The following EEA1 variants were observed in gnomAD, a reference collection of about 807,000 sequenced individuals.
The protein encoded by EEA1 is early endosome antigen 1, 162kD.
Under a neutral mutation model 209.2 loss-of-function variants are expected in EEA1, and 111 were observed. The observed-to-expected ratio is 0.53, with a 90% CI of 0.45 to 0.62. The LOEUF (loss-of-function observed/expected upper bound fraction) is 0.62. EEA1 is among the 20% of genes least tolerant of loss of function. EEA1 has a pLI of 0.00. For synonymous variants in EEA1, 536 were observed against 540.6 expected, an observed-to-expected ratio of 0.99 and a Z score of 0.12; for missense variants, 1,343 against 1,530.8, an observed-to-expected ratio of 0.88 and a Z score of 2.05.
intron 1 of EEA1, among the ~76,000 whole-genome samples, chr12:92,925,592 T>C (rs1488578208): frequency 2.0e-5 from 3 of 152,222 alleles, no homozygotes; most frequent in Admixed American, 6.5e-5. Context: ...TTGATTAAAT[T>C]TCTAACCATC....
At chr12:92,897,634 G>A (rs1005595735) in intron 1 of EEA1, among the ~76,000 whole-genome samples, 1 of 151,992 alleles carries the variant, frequency 6.6e-6, no homozygotes, top group African/African-American at 2.4e-5. Flanking sequence ...TTTGCTGGGC[G>A]TTTTGTCCAA....
intron 1 of EEA1, among the ~76,000 whole-genome samples, chr12:92,911,149 G>A (rs1216331423): frequency 6.6e-6 from 1 of 151,438 alleles, no homozygotes. Flanking sequence ...ACCCAAATGA[G>A]CTAAAAACTT....
chr12:92,802,756 T>G (rs1874989880), intron 18 of EEA1, 22 bp from the exon 19 acceptor site: 1 of 1,480,160 alleles, frequency 6.8e-7, no homozygotes, highest in Non-Finnish European at 9.0e-7. Context: ...AAAAACAATC[T>G]TTTTAAATAA....
At chr12:92,902,905 T>A (rs1417564986) in intron 1 of EEA1, among the ~76,000 whole-genome samples, 3 of 151,846 alleles carry the variant, frequency 2.0e-5, no homozygotes, top group African/African-American at 7.3e-5. Context: ...AAGAAACTGT[T>A]AACTAAACTA....
intron 6 of EEA1, 30 bp downstream of exon 6, chr12:92,853,885 T>C: frequency 6.3e-7 from 1 of 1,583,402 alleles, no homozygotes; most frequent in South Asian, 1.2e-5. Flanking sequence ...AAAAGAAAAC[T>C]GACAAAATAT....
At position 92,776,926 on chromosome 12, in the gene EEA1, G is replaced by A. The variant is rs1873680710; in HGVS notation, c.4031C>T (p.Ala1344Val). ...NQSLQIKHTQ[A>V]LNRKWAEDNE... ...GTCTTCGGCCCACTTTCTATTCAAC[G>A]CTTGTGTATGTTTGATCTGTTTTTT... Residue 1344 changes from alanine (A) to valine (V), a missense_variant, in exon 28 of 29, where the codon GCG becomes GTG. This residue lies in a region of EEA1 where 1,307 missense variants were observed against 1,465.5 expected (regional missense o/e 0.89). Coordinates refer to ENST00000322349, the MANE Select transcript of EEA1 (RefSeq NM_003566.4). 2.5e-6 allele frequency: 4 copies of A among 1,611,266 alleles called. No homozygotes were observed. The highest frequency in any genetic ancestry group is 2.7e-5 in the African/African-American group (2 of 74,752).
chr12:92,845,508 T>C (rs1037953094), intron 9 of EEA1, among the ~76,000 whole-genome samples: 1 of 152,138 alleles, frequency 6.6e-6, no homozygotes. Context: ...AGGCCAAGAT[T>C]GTATGTGCCT....
At chr12:92,892,786 C>T (rs1879705213) in intron 1 of EEA1, among the ~76,000 whole-genome samples, 3 of 152,072 alleles carry the variant, frequency 2.0e-5, no homozygotes, top group Admixed American at 1.3e-4. Context: ...CCACCATGTG[C>T]AGCTAAATTT....
rs1354424430 is a variant in EEA1, at chr12:92,813,020, T to A, written c.2003A>T (p.His668Leu). The change falls in exon 16 of 29, where the codon CAT (histidine) becomes CTT (leucine). Residue 668 changes from histidine to leucine, a missense_variant. This residue lies in a region of EEA1 where 1,307 missense variants were observed against 1,465.5 expected (regional missense o/e 0.89). Transcript: ENST00000322349. ...TAATGCATTTTGAGCTGTGTCCAAA[T>A]GATTCTGAAGATCAGCTCTTTGAGC... ...KTAQRADLQN[H>L]LDTAQNALQD... The A allele has an allele frequency of 1.4e-5, 23 of 1,600,988 alleles. No homozygotes were observed. The highest frequency in any genetic ancestry group is 1.9e-5 in the Non-Finnish European group (22 of 1,170,954).
chr12:92,890,163 A>AT (rs925811654), intron 2 of EEA1, among the ~76,000 whole-genome samples: 3 of 152,118 alleles, frequency 2.0e-5, no homozygotes, highest in African/African-American at 4.8e-5. Context: ...TTCATTTTTG[A>AT]TTTTTTGGTG....
At chr12:92,839,237 T>A (rs549261679) in intron 10 of EEA1, among the ~76,000 whole-genome samples, 1 of 152,316 alleles carries the variant, frequency 6.6e-6, no homozygotes, top group East Asian at 1.9e-4. Flanking sequence ...TCCACATGAC[T>A]AATGCATGAT....
chr12:92,804,632 T>A (rs1016929075), intron 18 of EEA1, among the ~76,000 whole-genome samples: 7 of 151,488 alleles, frequency 4.6e-5, no homozygotes, highest in Admixed American at 4.6e-4. Flanking sequence ...CCTCAATATT[T>A]GGAAAGTAAA....
intron 12 of EEA1, among the ~76,000 whole-genome samples, chr12:92,826,836 G>C (rs1876332232): frequency 1.3e-5 from 2 of 151,952 alleles, no homozygotes; most frequent in Non-Finnish European, 2.9e-5. Flanking sequence ...TCTCCAGGCT[G>C]GCATTTAGTT....
chr12:92,923,085 C>G (rs896450838), intron 1 of EEA1, among the ~76,000 whole-genome samples: 1 of 152,122 alleles, frequency 6.6e-6, no homozygotes, highest in Non-Finnish European at 1.5e-5. Flanking sequence ...CGGTGGCTCA[C>G]GCCTGTAATC....
At chr12:92,781,815 C>G in intron 23 of EEA1, 135 bp downstream of exon 23, 3 of 672,122 alleles carry the variant, frequency 4.5e-6, no homozygotes, top group Non-Finnish European at 6.7e-6. Context: ...TCAAAAGTGT[C>G]AGAAACTAGA....
At chr12:92,851,402 A>ATAT in intron 8 of EEA1, 136 bp from the exon 9 acceptor site, 1 of 808,788 alleles carries the variant, frequency 1.2e-6, no homozygotes, top group Non-Finnish European at 1.9e-6. Flanking sequence ...AACATTGAAC[A>ATAT]CTGATATCTT....
chr12:92,800,363 C>T (rs1874852076), intron 20 of EEA1, among the ~76,000 whole-genome samples: 1 of 152,146 alleles, frequency 6.6e-6, no homozygotes, highest in African/African-American at 2.4e-5. Flanking sequence ...ACTGAAGTTC[C>T]TCTGTCACCA....
At chr12:92,877,901 A>C (rs1354496985) in intron 2 of EEA1, among the ~76,000 whole-genome samples, 1 of 152,234 alleles carries the variant, frequency 6.6e-6, no homozygotes, top group Non-Finnish European at 1.5e-5. Context: ...ATAGGAAGCC[A>C]ATGAATTTTC....
intron 10 of EEA1, among the ~76,000 whole-genome samples, chr12:92,839,336 C>A (rs922208664): frequency 1.3e-5 from 2 of 152,120 alleles, no homozygotes; most frequent in African/African-American, 4.8e-5. Context: ...TCCACTGACT[C>A]GGTTTCAGAT....
Sources: allele counts gnomAD v4.1 joint callset (sites outside exome capture counted in the v4.1 genomes callset), GRCh38; gene constraint gnomAD v4.1.1; regional missense constraint gnomAD v4.1.1; transcripts MANE v1.5; gene names NCBI Gene and HGNC (gene_info 2026-07-23, HGNC 2026-07-21).